The following RBFOX2 variants were observed in gnomAD, a reference collection of about 807,000 sequenced individuals.
RBFOX2 encodes RNA binding fox-1 homolog 2.
In RBFOX2, 10 loss-of-function variants were observed where a neutral mutation model predicts 49.1. The ratio of observed to expected loss-of-function variants is 0.20; its 90% CI spans 0.13 to 0.35. The LOEUF is 0.35. RBFOX2 is among the 10% of genes least tolerant of loss of function. The pLI is 1.00. For missense variants in RBFOX2, 323 were observed against 486.9 expected, an observed-to-expected ratio of 0.66 and a Z score of 3.17; for synonymous variants, 183 against 187.4, an observed-to-expected ratio of 0.98 and a Z score of 0.19.
chr22:35,816,312 T>C (rs1332085053), intron 1 of RBFOX2, among the ~76,000 whole-genome samples: 1 of 152,168 alleles, frequency 6.6e-6, no homozygotes, highest in Non-Finnish European at 1.5e-5. Flanking sequence ...ATTGAACTGT[T>C]CTTAACTTTT....
At chr22:35,785,947 A>G (rs1224671884) in intron 2 of RBFOX2, among the ~76,000 whole-genome samples, 2 of 152,238 alleles carry the variant, frequency 1.3e-5, no homozygotes, top group African/African-American at 4.8e-5. Flanking sequence ...AAGCACCTTC[A>G]AACTTGCCTC....
chr22:35,836,834 T>G (rs1229356433), intron 1 of RBFOX2, among the ~76,000 whole-genome samples: 2 of 152,250 alleles, frequency 1.3e-5, no homozygotes, highest in Non-Finnish European at 2.9e-5. Context: ...TACTAATTAG[T>G]GTTGAAGTCA....
chr22:35,968,650 C>T (rs2056701811), intron 1 of RBFOX2, among the ~76,000 whole-genome samples: 2 of 152,210 alleles, frequency 1.3e-5, no homozygotes, highest in African/African-American at 4.8e-5. Flanking sequence ...AATTCTTCAA[C>T]AGGAACCATA....
intron 1 of RBFOX2, among the ~76,000 whole-genome samples, chr22:36,001,968 G>T (rs2058444645): frequency 6.6e-6 from 1 of 152,116 alleles, no homozygotes; most frequent in African/African-American, 2.4e-5. Flanking sequence ...GGAGGCTGAG[G>T]CAGGAGAATT....
In RBFOX2 at chr22:35,912,178, C is replaced by T. The variant is rs1206309118; in HGVS notation, c.-34+26669G>A. Among the ~76,000 whole-genome samples the T allele has an allele frequency of 3.9e-5, 6 of 152,120 alleles. No homozygotes were observed. In the South Asian group the frequency reaches 6.2e-4, roughly 16 times the overall value. ...TCTGGATGGCAGAAACAGCATACTA[C>T]GTATACTTCTCTTATATGAATCTCT... On this transcript the variant is annotated intron_variant, in intron 1 of 13. Coordinates refer to the RBFOX2 transcript ENST00000359369.
chr22:35,986,696 G>A (rs1000122114), intron 1 of RBFOX2, among the ~76,000 whole-genome samples: 2 of 152,188 alleles, frequency 1.3e-5, no homozygotes, highest in Non-Finnish European at 2.9e-5. Flanking sequence ...AGAAGTATCA[G>A]CCAGAATAGC....
chr22:35,862,718 C>T (rs753355981), intron 1 of RBFOX2, among the ~76,000 whole-genome samples: 1 of 152,094 alleles, frequency 6.6e-6, no homozygotes, highest in African/African-American at 2.4e-5. Context: ...CTACTTGATT[C>T]GAATCTTAGC....
At chr22:35,952,952 C>G (rs578112136) in intron 1 of RBFOX2, among the ~76,000 whole-genome samples, 254 of 152,078 alleles carry the variant, frequency 1.7e-3, no homozygotes, top group Admixed American at 3.4e-3. Context: ...TGGCTCACAC[C>G]TGTAATCCCA....
intron 1 of RBFOX2, among the ~76,000 whole-genome samples, chr22:35,978,223 T>C (rs1167442050): frequency 1.3e-5 from 2 of 152,204 alleles, no homozygotes; most frequent in African/African-American, 4.8e-5. Context: ...AATGGAGTTA[T>C]CAGTGTGAAT....
intron 1 of RBFOX2, among the ~76,000 whole-genome samples, chr22:35,889,542 ACT>A (rs1177760865): frequency 6.6e-6 from 1 of 152,008 alleles, no homozygotes; most frequent in African/African-American, 2.4e-5. Context: ...TGTCACTCAG[ACT>A]CTTACACAAC....
intron 1 of RBFOX2, among the ~76,000 whole-genome samples, chr22:35,856,855 AAACCC>A (rs2042570498): frequency 6.6e-6 from 1 of 152,118 alleles, no homozygotes; most frequent in South Asian, 2.1e-4. Flanking sequence ...CAACACGGTG[AAACCC>A]ATCTCTACTA....
exon 1 of RBFOX2, chr22:36,028,533 C>G (rs1310666927): frequency 1.0e-6 from 1 of 963,516 alleles, no homozygotes; most frequent in South Asian, 4.8e-5. Context: ...CCTGCCCCCG[C>G]CCCCGCGTGC....
chr22:35,859,359 A>C (rs1195737026), intron 1 of RBFOX2, among the ~76,000 whole-genome samples: 2 of 152,232 alleles, frequency 1.3e-5, no homozygotes, highest in Non-Finnish European at 2.9e-5. Context: ...ACATGAAGCC[A>C]TACCTACAGA....
intron 1 of RBFOX2, among the ~76,000 whole-genome samples, chr22:35,881,344 G>A (rs531975780): frequency 7.9e-5 from 12 of 152,192 alleles, no homozygotes; most frequent in Non-Finnish European, 1.5e-4. Context: ...GGGAGGCTGA[G>A]GTGGGAAGAT....
chr22:35,826,819 CTAATAG>C (rs1030617358), intron 1 of RBFOX2, among the ~76,000 whole-genome samples: 6 of 152,048 alleles, frequency 3.9e-5, no homozygotes, highest in African/African-American at 1.4e-4. Flanking sequence ...AACAACAATA[CTAATAG>C]TAACAGAACA....
intron 1 of RBFOX2, among the ~76,000 whole-genome samples, chr22:35,819,671 ATTCTG>A (rs979120184): frequency 1.3e-4 from 20 of 152,236 alleles, no homozygotes; most frequent in Admixed American, 1.3e-3. Flanking sequence ...TTCATCAGAT[ATTCTG>A]TTCTAGCTGC....
chr22:35,784,039 C>T (rs761188851), intron 2 of RBFOX2, among the ~76,000 whole-genome samples: 21 of 152,152 alleles, frequency 1.4e-4, no homozygotes, highest in Admixed American at 5.2e-4. Context: ...CAGTGACATG[C>T]GCTGAAGCGG....
At position 35,928,249 on chromosome 22, in the gene RBFOX2, T is replaced by C. The variant is rs1043115670; in HGVS notation, c.-34+10598A>G. On this transcript the variant is annotated intron_variant, in intron 1 of 13. Coordinates refer to the RBFOX2 transcript ENST00000359369. ...GCATATGTGTGTGTGTCTGTGTCTGTTGGGGGGGCAGGGGTGTCTGTCTGT... is the reference window on the plus strand; with the variant it reads ...GCATATGTGTGTGTGTCTGTGTCTGCTGGGGGGGCAGGGGTGTCTGTCTGT... 3.9e-5 allele frequency among the ~76,000 whole-genome samples: 6 copies of C among 152,222 alleles called. 1 individual carries two copies. The South Asian group carries it at 1.0e-3, about 26-fold the overall frequency.
intron 1 of RBFOX2, among the ~76,000 whole-genome samples, chr22:35,924,636 T>C (rs551422267): frequency 3.7e-4 from 57 of 152,296 alleles, no homozygotes; most frequent in African/African-American, 1.3e-3. Flanking sequence ...TTTTGCTTTT[T>C]CCCCCACTTT....
Sources: gnomAD v4.1 joint callset for allele counts (sites outside exome capture counted in the v4.1 genomes callset) on GRCh38, gnomAD v4.1.1 for gene constraint, MANE v1.5 for transcripts, NCBI Gene and HGNC (gene_info 2026-07-23, HGNC 2026-07-21) for gene names.